The following STXBP5 variants were observed in gnomAD, a reference collection of about 807,000 sequenced individuals.
STXBP5 encodes the protein syntaxin binding protein 5, also known as syntaxin-binding protein 5.
In STXBP5, 50 loss-of-function variants were observed where a neutral mutation model predicts 152.4. The ratio of observed to expected loss-of-function variants is 0.33; its 90% CI spans 0.26 to 0.42. The LOEUF is 0.42. STXBP5 is among the 10% of genes least tolerant of loss of function. STXBP5 has a pLI of 1.00. For missense variants in STXBP5, 1,167 were observed against 1,388.6 expected (o/e 0.84, Z 2.54); for synonymous variants, 492 against 494.7 (o/e 0.99, Z 0.07).
At chr6:147,293,930 A>G (rs1483331948) in intron 9 of STXBP5, among the ~76,000 whole-genome samples, 1 of 152,228 alleles carries the variant, frequency 6.6e-6, no homozygotes, top group Non-Finnish European at 1.5e-5. Context: ...ATAAAGAGCT[A>G]ACTATTAAAA....
At chr6:147,326,758 T>C (rs943885003) in intron 17 of STXBP5, among the ~76,000 whole-genome samples, 3 of 152,168 alleles carry the variant, frequency 2.0e-5, no homozygotes, top group African/African-American at 7.2e-5. Flanking sequence ...AATCTCCTAC[T>C]TTCCTAATAG....
chr6:147,243,615 C>T (rs1034340692), intron 4 of STXBP5, among the ~76,000 whole-genome samples: 1 of 152,022 alleles, frequency 6.6e-6, no homozygotes, highest in Non-Finnish European at 1.5e-5. Flanking sequence ...TCAGAGATTA[C>T]ACTTTTGGGG....
chr6:147,238,906 C>G (rs1264357227), intron 3 of STXBP5, among the ~76,000 whole-genome samples: 2 of 152,160 alleles, frequency 1.3e-5, no homozygotes, highest in African/African-American at 4.8e-5. Context: ...TACTAATCCA[C>G]TAGATCCTAG....
At chr6:147,384,331 G>C (rs1353207943) in intron 27 of STXBP5, among the ~76,000 whole-genome samples, 1 of 152,116 alleles carries the variant, frequency 6.6e-6, no homozygotes, top group Non-Finnish European at 1.5e-5. Context: ...TGCAGTGTCT[G>C]GCTCAGAATA....
At chr6:147,281,107 A>G (rs185488056) in intron 8 of STXBP5, among the ~76,000 whole-genome samples, 35 of 152,344 alleles carry the variant, frequency 2.3e-4, no homozygotes, top group African/African-American at 8.2e-4. Context: ...GCAAAGCTGG[A>G]GTACAATGGC....
intron 6 of STXBP5, among the ~76,000 whole-genome samples, chr6:147,265,852 G>T (rs943861151): frequency 6.6e-6 from 1 of 151,928 alleles, no homozygotes. Context: ...TTTACAGACT[G>T]CACGATAATT....
At chr6:147,234,352 A>G (rs1013176587) in intron 2 of STXBP5, among the ~76,000 whole-genome samples, 2 of 151,680 alleles carry the variant, frequency 1.3e-5, no homozygotes, top group Non-Finnish European at 2.9e-5. Flanking sequence ...AGTGAGTTCT[A>G]CAAATGTACA....
chr6:147,283,365 T>C (rs1780789540), intron 8 of STXBP5, among the ~76,000 whole-genome samples: 1 of 152,208 alleles, frequency 6.6e-6, no homozygotes, highest in Non-Finnish European at 1.5e-5. Flanking sequence ...ATAATAAAAT[T>C]ATACCTCAGT....
chr6:147,256,522 A>C (rs1779374806), intron 4 of STXBP5, among the ~76,000 whole-genome samples: 1 of 152,162 alleles, frequency 6.6e-6, no homozygotes. Flanking sequence ...ACAAAATGTC[A>C]CTGAATATGG....
intron 6 of STXBP5, 65 bp from the exon 7 acceptor site, chr6:147,267,019 T>A (rs1582866220): frequency 7.6e-7 from 1 of 1,324,260 alleles, no homozygotes; most frequent in East Asian, 2.3e-5. Context: ...ATTTTCATTG[T>A]CAGCAAATAA....
chr6:147,332,395 T>A (rs1783620151), intron 18 of STXBP5, among the ~76,000 whole-genome samples: 1 of 151,918 alleles, frequency 6.6e-6, no homozygotes, highest in Admixed American at 6.6e-5. Flanking sequence ...AATGATGGAG[T>A]GTTAAATTTA....
At position 147,353,322 on chromosome 6, in the gene STXBP5, G is replaced by C; in HGVS notation, c.2255-1G>C. The C allele has an allele frequency of 6.4e-7, 1 of 1,573,836 alleles. No homozygotes were observed. The highest frequency in any genetic ancestry group is 8.6e-7 in the Non-Finnish European group (1 of 1,158,192). On this transcript the variant is annotated splice_acceptor_variant, in intron 21 of 27. Coordinates refer to ENST00000321680, the MANE Select transcript of STXBP5 (RefSeq NM_001127715.4). LOFTEE classifies it high-confidence loss of function. ...TTTTAAAAATGTCTTTTATTTTTCAGCAAAGATGTCAAGGAAGTTAAGCTT... is the reference window on the plus strand; with the variant it reads ...TTTTAAAAATGTCTTTTATTTTTCACCAAAGATGTCAAGGAAGTTAAGCTT...
chr6:147,381,086 C>A (rs1011134269), intron 26 of STXBP5, among the ~76,000 whole-genome samples: 9 of 152,078 alleles, frequency 5.9e-5, no homozygotes, highest in African/African-American at 1.9e-4. Flanking sequence ...GTGAGACTTA[C>A]TCTCATGAGA....
rs372318436 is a variant in STXBP5, at chr6:147,239,140, A to G, written c.331-30A>G. ...ACTTCATGTTTATAAAATATATTAT[A>G]CATGAAATGTGTTATACTTGATTTT... is the stretch of plus-strand genomic sequence containing the variant. On this transcript the variant is annotated intron_variant, in intron 3 of 27. Transcript: ENST00000321680. 34 of 1,570,578 alleles carry G rather than the reference A, an allele frequency of 2.2e-5. No individual in the cohort carries two copies. The African/African-American group carries it at 4.6e-4, about 21-fold the overall frequency.
intron 7 of STXBP5, among the ~76,000 whole-genome samples, chr6:147,270,054 CAATT>C (rs1780081334): frequency 6.6e-6 from 1 of 151,974 alleles, no homozygotes; most frequent in Non-Finnish European, 1.5e-5. Flanking sequence ...TTATGAGAAA[CAATT>C]AGAGGAATTT....
chr6:147,262,265 A>T, intron 5 of STXBP5, 25 bp from the exon 6 acceptor site: 1 of 1,480,386 alleles, frequency 6.8e-7, no homozygotes, highest in Non-Finnish European at 9.1e-7. Context: ...TGAAGAGAAA[A>T]TCTTACTAAC....
rs778117239 is a variant in STXBP5, at chr6:147,327,203, T to G, written c.2007T>G (p.Ile669Met). ...CAGTGCTGCTCAACCTGGGCACTATTGAATTATATGGCTCTAATGATCCTT... is the reference window on the plus strand; with the variant it reads ...CAGTGCTGCTCAACCTGGGCACTATGGAATTATATGGCTCTAATGATCCTT... ...QKAVLLNLGT[I>M]ELYGSNDPYR... The change falls in exon 18 of 28, where the codon ATT becomes ATG. Residue 669 changes from isoleucine to methionine, a missense_variant. Around this residue, in one of 3 missense-constraint regions of STXBP5, gnomAD observed 833 missense variants for 986.3 expected, o/e 0.84. Coordinates refer to ENST00000321680, the MANE Select transcript of STXBP5 (RefSeq NM_001127715.4). 6.2e-7 allele frequency: 1 copy of G among 1,614,134 alleles called. No homozygotes were observed. Among genetic ancestry groups the G allele is most frequent in the Non-Finnish European group, 8.5e-7 (1 of 1,180,010 alleles).
At chr6:147,264,653 G>A (rs1160133642) in intron 6 of STXBP5, among the ~76,000 whole-genome samples, 5 of 151,998 alleles carry the variant, frequency 3.3e-5, no homozygotes, top group Non-Finnish European at 7.4e-5. Flanking sequence ...AAAATTAGAC[G>A]GGAATTAGTC....
intron 7 of STXBP5, among the ~76,000 whole-genome samples, chr6:147,271,774 A>G (rs900059846): frequency 6.6e-6 from 1 of 152,122 alleles, no homozygotes; most frequent in South Asian, 2.1e-4. Flanking sequence ...CTGAAATAAT[A>G]AAGAGCCGAA....
Sources: allele counts gnomAD v4.1 joint callset (sites outside exome capture counted in the v4.1 genomes callset), GRCh38; gene constraint gnomAD v4.1.1; regional missense constraint gnomAD v4.1.1; transcripts MANE v1.5; gene names NCBI Gene and HGNC (gene_info 2026-07-23, HGNC 2026-07-21).